Variants in IL1RAP observed in about 807,000 individuals in gnomAD.
The protein encoded by IL1RAP is interleukin-1 receptor accessory protein.
Under a neutral mutation model 60.7 loss-of-function variants are expected in IL1RAP, and 35 were observed. The ratio of observed to expected loss-of-function variants is 0.58; its 90% CI spans 0.44 to 0.76. The LOEUF (loss-of-function observed/expected upper bound fraction) is 0.76, where lower values mean the gene tolerates loss of function less well. Ranked by LOEUF, IL1RAP falls within the 30% of genes least tolerant of loss-of-function variation. IL1RAP has a pLI of 0.00. For synonymous variants in IL1RAP, 268 were observed against 250.9 expected, an observed-to-expected ratio of 1.07 and a Z score of -0.64; for missense variants, 572 against 693.9, an observed-to-expected ratio of 0.82 and a Z score of 1.97.
At chr3:190,608,808 G>GT (rs1425447501) in intron 4 of IL1RAP, among the ~76,000 whole-genome samples, 187 bp from the exon 5 acceptor site, 1 of 121,424 alleles carries the variant, frequency 8.2e-6, no homozygotes, top group Non-Finnish European at 1.8e-5. Context: ...AATTGTGCCT[G>GT]TTTTTTTATT....
intron 3 of IL1RAP, among the ~76,000 whole-genome samples, chr3:190,577,184 CTA>C (rs199890265): frequency 5.3e-5 from 8 of 150,136 alleles, no homozygotes; most frequent in Non-Finnish European, 1.2e-4. Flanking sequence ...GAGCTTAAAT[CTA>C]TATATATATG....
intron 1 of IL1RAP, among the ~76,000 whole-genome samples, chr3:190,521,129 C>A (rs534183130): frequency 2.5e-4 from 38 of 152,148 alleles, no homozygotes; most frequent in African/African-American, 8.9e-4. Flanking sequence ...GGGATTTTAA[C>A]CTCTATTACA....
rs527369521 is a variant in IL1RAP, at chr3:190,561,981, C to T, written c.-1-2308C>T. On this transcript the variant is annotated intron_variant, in intron 2 of 11. Coordinates refer to ENST00000447382, the MANE Select transcript of IL1RAP (RefSeq NM_002182.4). ...CCCTACTCAGAAAACTTTGGTGACT[C>T]CCTATTTGCTCTTTAAATCCCAAGC... Among the ~76,000 whole-genome samples, 24 of 152,224 alleles carry T rather than the reference C, an allele frequency of 1.6e-4. No individual in the cohort carries two copies. The East Asian group carries it at 4.5e-3, about 28-fold the overall frequency.
intron 9 of IL1RAP, among the ~76,000 whole-genome samples, chr3:190,634,286 ATTT>A (rs1178679157): frequency 3.7e-5 from 5 of 135,120 alleles, no homozygotes; most frequent in Non-Finnish European, 8.0e-5. Flanking sequence ...CATGTTAAGA[ATTT>A]TTTTTTTTTT....
chr3:190,553,859 G>C (rs1219232511), intron 1 of IL1RAP, among the ~76,000 whole-genome samples: 2 of 151,762 alleles, frequency 1.3e-5, no homozygotes, highest in African/African-American at 4.8e-5. Flanking sequence ...AGGAGATCGA[G>C]ACCATCCCGG....
At chr3:190,544,835 A>T (rs1724235058) in intron 1 of IL1RAP, among the ~76,000 whole-genome samples, 1 of 152,168 alleles carries the variant, frequency 6.6e-6, no homozygotes, top group African/African-American at 2.4e-5. Context: ...TAACTTTTGA[A>T]CCTCTTTCAC....
At chr3:190,538,371 T>C (rs993546665) in intron 1 of IL1RAP, among the ~76,000 whole-genome samples, 2 of 152,142 alleles carry the variant, frequency 1.3e-5, no homozygotes, top group Non-Finnish European at 2.9e-5. Flanking sequence ...AGCACTGTCT[T>C]AGAGCAGATA....
At chr3:190,656,987 G>C (rs951997790) in exon 12 of IL1RAP, 2 of 159,068 alleles carry the variant, frequency 1.3e-5, no homozygotes, top group Non-Finnish European at 2.7e-5. Context: ...ATGCTTACAG[G>C]GTGTATGCAT....
At chr3:190,529,323 A>T (rs1230989744) in intron 1 of IL1RAP, among the ~76,000 whole-genome samples, 1 of 148,508 alleles carries the variant, frequency 6.7e-6, no homozygotes, top group Non-Finnish European at 1.5e-5. Context: ...TGGATCATGA[A>T]GTCAGGAGTT....
chr3:190,557,790 T>G (rs2108610277), intron 2 of IL1RAP, among the ~76,000 whole-genome samples: 1 of 152,302 alleles, frequency 6.6e-6, no homozygotes, highest in South Asian at 2.1e-4. Flanking sequence ...TTAAAATATA[T>G]TTCTAATTAA....
intron 1 of IL1RAP, among the ~76,000 whole-genome samples, chr3:190,517,379 T>C (rs1349944994): frequency 6.6e-6 from 1 of 152,220 alleles, no homozygotes; most frequent in Non-Finnish European, 1.5e-5. Flanking sequence ...CATGGCATTA[T>C]TCAACTTTTT....
At chr3:190,557,498 G>A (rs1725525344) in intron 2 of IL1RAP, among the ~76,000 whole-genome samples, 1 of 152,186 alleles carries the variant, frequency 6.6e-6, no homozygotes, top group Non-Finnish European at 1.5e-5. Context: ...TCTAAGAGGA[G>A]TGTGCTAATG....
intron 3 of IL1RAP, among the ~76,000 whole-genome samples, chr3:190,588,995 T>C (rs1406472604): frequency 6.6e-6 from 1 of 152,214 alleles, no homozygotes; most frequent in African/African-American, 2.4e-5. Flanking sequence ...ATCCTGCCTC[T>C]GCTACTAACC....
At chr3:190,527,870 C>T (rs1039359595) in intron 1 of IL1RAP, among the ~76,000 whole-genome samples, 3 of 145,458 alleles carry the variant, frequency 2.1e-5, no homozygotes, top group African/African-American at 5.3e-5. Flanking sequence ...CACACACACA[C>T]GAGAATGGTG....
rs1200775636 is a variant in IL1RAP at position 190,572,859 on chromosome 3, G to GTTTTTTTTTTTTTTTTTT, written c.64+8511_64+8528dup. On this transcript the variant is annotated intron_variant, in intron 3 of 11. Coordinates refer to ENST00000447382, the MANE Select transcript of IL1RAP (RefSeq NM_002182.4). ...TCAGCATGTCCAGGGTTAATGCTTT[G>GTTTTTTTTTTTTTTTTTT]TTTTTTTTTTTTTTTTTTTTTTGAG... Among the ~76,000 whole-genome samples, 14 of 39,048 alleles carry GTTTTTTTTTTTTTTTTTT rather than the reference G, an allele frequency of 3.6e-4. 2 individuals carry two copies. Among genetic ancestry groups the GTTTTTTTTTTTTTTTTTT allele is most frequent in the African/African-American group, 1.3e-3 (11 of 8,280 alleles). 25.6% of individuals were successfully genotyped at this position (39,048 alleles called of 152,430 possible).
Position 190,549,597 on chromosome 3 carries a change from C to A in IL1RAP, c.-88-6533C>A, listed in dbSNP as rs544775917. On this transcript the variant is annotated intron_variant, in intron 1 of 11. Coordinates refer to ENST00000447382, the MANE Select transcript of IL1RAP (RefSeq NM_002182.4). ...AAACAAGTCGGGGGTGAGGACAGCT[C>A]AAAAATCCTGAGGCCTTTTACCAGT... Among the ~76,000 whole-genome samples the A allele has an allele frequency of 1.1e-4, 16 of 152,146 alleles. No homozygotes were observed. In the East Asian group the frequency reaches 1.7e-3, roughly 17 times the overall value.
At chr3:190,614,043 A>G (rs1183629288) in intron 5 of IL1RAP, among the ~76,000 whole-genome samples, 1 of 151,042 alleles carries the variant, frequency 6.6e-6, no homozygotes, top group African/African-American at 2.4e-5. Flanking sequence ...TTTGCCTTCT[A>G]TTTTCTGCCT....
intron 11 of IL1RAP, among the ~76,000 whole-genome samples, chr3:190,646,537 TTAAAA>T (rs1168901940): frequency 6.6e-6 from 1 of 152,214 alleles, no homozygotes; most frequent in Non-Finnish European, 1.5e-5. Context: ...CTTGAATGTG[TTAAAA>T]TAAAAGTACA....
At chr3:190,631,694 A>G (rs1732801469) in intron 9 of IL1RAP, among the ~76,000 whole-genome samples, 1 of 152,248 alleles carries the variant, frequency 6.6e-6, no homozygotes, top group Non-Finnish European at 1.5e-5. Context: ...AATGAGAGAA[A>G]GACACTGGTG....
Sources: gnomAD v4.1 joint callset for allele counts (sites outside exome capture counted in the v4.1 genomes callset) on GRCh38, gnomAD v4.1.1 for gene constraint, MANE v1.5 for transcripts, NCBI Gene and HGNC (gene_info 2026-07-23, HGNC 2026-07-21) for gene names.